NSUN7: variants seen among roughly 807,000 people sequenced by gnomAD.
NSUN7 encodes NOP2/Sun RNA methyltransferase family member 7, also known as protein NSUN7.
A neutral mutation model predicts 58.5 loss-of-function variants in NSUN7; 39 were observed. The ratio of observed to expected loss-of-function variants is 0.67; its 90% confidence interval spans 0.52 to 0.87. The LOEUF (loss-of-function observed/expected upper bound fraction) is 0.87. Ranked by LOEUF, NSUN7 falls within the 40% of genes least tolerant of loss-of-function variation. The pLI, the probability that NSUN7 is intolerant of heterozygous loss-of-function variation, is 0.00. For synonymous variants in NSUN7, 278 were observed against 303.7 expected (o/e 0.92, Z 0.88); for missense variants, 765 against 844.1 (o/e 0.91, Z 1.16).
chr4:40,801,727 A>T (rs1488464552), intron 10 of NSUN7, among the ~76,000 whole-genome samples: 4 of 151,982 alleles, frequency 2.6e-5, no homozygotes, highest in African/African-American at 9.7e-5. Flanking sequence ...GTGAAACCTC[A>T]TCTCTACAAA....
At chr4:40,773,422 C>T (rs1188802042) in intron 4 of NSUN7, among the ~76,000 whole-genome samples, 2 of 152,166 alleles carry the variant, frequency 1.3e-5, no homozygotes, top group African/African-American at 2.4e-5. Context: ...GTGGCTTACG[C>T]CTGTAATCCC....
In NSUN7 at chr4:40,786,156, G is replaced by A. The variant is rs886970291; in HGVS notation, c.1037-4446G>A. ...ACCAGACTTCTATCCTGTCCAACCT[G>A]CCTTCATTTCAGTCCTTCCACATTG... On this transcript the variant is annotated intron_variant, in intron 7 of 11. Coordinates refer to ENST00000381782, the MANE Select transcript of NSUN7 (RefSeq NM_024677.6). 12 of 1,612,404 alleles carry A rather than the reference G, an allele frequency of 7.4e-6. No individual in the cohort carries two copies. The African/African-American group carries it at 1.5e-4, about 20-fold the overall frequency.
chr4:40,750,555 G>A (rs1740763425), intron 1 of NSUN7, 48 bp from the exon 2 acceptor site: 5 of 990,480 alleles, frequency 5.0e-6, no homozygotes, highest in Non-Finnish European at 5.9e-6. Context: ...CACCCACAGG[G>A]GTGCTGCAGA....
At chr4:40,788,815 C>T (rs1742951494) in intron 7 of NSUN7, among the ~76,000 whole-genome samples, 1 of 152,080 alleles carries the variant, frequency 6.6e-6, no homozygotes, top group East Asian at 1.9e-4. Flanking sequence ...TGCTGAGTTT[C>T]CAAGTTCCTT....
chr4:40,750,937 G>A lies in NSUN7; in HGVS notation c.244G>A (p.Glu82Lys). The A allele has an allele frequency of 6.2e-7, 1 of 1,614,222 alleles. No individual in the cohort carries two copies. Among genetic ancestry groups the A allele is most frequent in the South Asian group, 1.1e-5 (1 of 91,082 alleles). ...NEPLRSLSES[E>K]DQSFQRLSYE... Reference sequence around the variant, plus strand: ...ACCCCTGCGGTCCTTGTCCGAGTCTGAGGATCAGTCCTTTCAGCGTTTGTC... The same window carrying A: ...ACCCCTGCGGTCCTTGTCCGAGTCTAAGGATCAGTCCTTTCAGCGTTTGTC... Residue 82 changes from glutamate (E) to lysine (K), a missense_variant, in exon 2 of 12, where the codon GAG becomes AAG. Physicochemically the swap from Glu to Lys is moderately conservative, Grantham distance 56 (BLOSUM62 1). Transcript: ENST00000381782.
chr4:40,754,471 A>G lies in NSUN7; in HGVS notation c.298+3480A>G, dbSNP rs115317257. Among the ~76,000 whole-genome samples, 173 of 152,306 alleles carry G rather than the reference A, an allele frequency of 1.1e-3. 1 individual carries two copies. Among genetic ancestry groups the G allele is most frequent in the African/African-American group, 4.0e-3 (168 of 41,570 alleles). ...CCATCTGCTATTTTACTTTTAAAAT[A>G]TTGGAGGCTCTTATGCATTTCACTT... On this transcript the variant is annotated intron_variant, in intron 2 of 11. Transcript: ENST00000381782.
chr4:40,760,365 T>TA (rs1413530173), intron 2 of NSUN7, 69 bp from the exon 3 acceptor site: 1 of 1,098,608 alleles, frequency 9.1e-7, no homozygotes, highest in Non-Finnish European at 1.4e-6. Context: ...TATTACAGTG[T>TA]ATTTTGATTC....
chr4:40,758,207 A>C (rs943729548), intron 2 of NSUN7, among the ~76,000 whole-genome samples: 3 of 152,160 alleles, frequency 2.0e-5, no homozygotes, highest in Non-Finnish European at 4.4e-5. Flanking sequence ...GGCATGAGTC[A>C]CCACACCCGG....
intron 8 of NSUN7, among the ~76,000 whole-genome samples, chr4:40,791,614 T>C (rs7681458): frequency 0.18 from 27,937 of 152,136 alleles, 3,090 homozygotes; most frequent in East Asian, 0.35. Context: ...ATGAAACTTA[T>C]GCTTATCCCT....
At chr4:40,805,544 C>A (rs1259077201) in intron 10 of NSUN7, among the ~76,000 whole-genome samples, 1 of 152,198 alleles carries the variant, frequency 6.6e-6, no homozygotes, top group Non-Finnish European at 1.5e-5. Context: ...TCCCTATCTT[C>A]GGGGTAACTA....
In NSUN7 at chr4:40,808,958, A is replaced by G; in HGVS notation, c.*19A>G. 1 of 1,495,630 alleles carries G rather than the reference A, an allele frequency of 6.7e-7. No homozygotes were observed. Among genetic ancestry groups the G allele is most frequent in the Non-Finnish European group, 8.9e-7 (1 of 1,125,260 alleles). The allele number at this position is 1,495,630 out of a possible 1,614,324, so 92.6% of individuals were successfully genotyped here. ...GCTTTGATTGTCTTGTGTTTTTTATAGGGGCCAAAGAGCAGTTGATTTTTT... is the reference window on the plus strand; with the variant it reads ...GCTTTGATTGTCTTGTGTTTTTTATGGGGGCCAAAGAGCAGTTGATTTTTT... On this transcript the variant is annotated 3_prime_UTR_variant, in exon 12 of 12. Transcript: ENST00000381782.
At chr4:40,751,077 C>G (rs980957952) in intron 2 of NSUN7, 86 bp downstream of exon 2, 3 of 1,456,658 alleles carry the variant, frequency 2.1e-6, no homozygotes, top group Non-Finnish European at 2.8e-6. Context: ...CCTCCCTTCC[C>G]CTCATTCACA....
At chr4:40,771,205 T>C (rs1741994262) in intron 4 of NSUN7, among the ~76,000 whole-genome samples, 1 of 152,204 alleles carries the variant, frequency 6.6e-6, no homozygotes, top group Non-Finnish European at 1.5e-5. Flanking sequence ...ATGCTTCTGC[T>C]AAATAGAGCC....
At chr4:40,805,892 A>G (rs540560883) in intron 10 of NSUN7, among the ~76,000 whole-genome samples, 33 of 152,124 alleles carry the variant, frequency 2.2e-4, no homozygotes, top group Non-Finnish European at 3.7e-4. Flanking sequence ...CCCAGGATGG[A>G]GTACAGTGGT....
Position 40,798,892 on chromosome 4 carries a change from G to A in NSUN7, c.1388G>A (p.Gly463Glu). The change falls in exon 10 of 12, where the codon GGA (glycine) becomes GAA (glutamate). Residue 463 changes from glycine (G) to glutamate (E), a missense_variant. Physicochemically the swap from Gly to Glu is moderately conservative, Grantham distance 98. Coordinates refer to ENST00000381782, the MANE Select transcript of NSUN7 (RefSeq NM_024677.6). The part of the protein sequence containing the change: ...ALEFQDLGNK[G>E]QPYRLSPPVL... ...GAATTTCAAGACCTTGGGAATAAAG[G>A]ACAACCTTACAGGTAAGAAAAGGAA... 6.3e-7 allele frequency: 1 copy of A among 1,580,936 alleles called. No individual in the cohort carries two copies. The highest frequency in any genetic ancestry group is 8.7e-7 in the Non-Finnish European group (1 of 1,151,284).
At chr4:40,798,574 A>G (rs781672502) in intron 9 of NSUN7, among the ~76,000 whole-genome samples, 2 of 152,230 alleles carry the variant, frequency 1.3e-5, no homozygotes, top group Non-Finnish European at 2.9e-5. Context: ...TTCAATTTCC[A>G]TACAATCCAG....
At position 40,776,040 on chromosome 4, in the gene NSUN7, A is replaced by ATCT; in HGVS notation, c.826-7_826-5dup. 6.4e-7 allele frequency: 1 copy of ATCT among 1,552,692 alleles called. No homozygotes were observed. Among genetic ancestry groups the ATCT allele is most frequent in the South Asian group, 1.2e-5 (1 of 86,468 alleles). ...CCTTTGAAATTCTAATCATACCATT[A>ATCT]TCTTACAGGACAAATCTCGAAGTCT... On this transcript the variant is annotated splice_polypyrimidine_tract_variant and intron_variant, in intron 6 of 11. Transcript: ENST00000381782.
At chr4:40,799,085 T>TTTTTTG (rs1560563893) in intron 10 of NSUN7, among the ~76,000 whole-genome samples, 181 bp downstream of exon 10, 1 of 139,646 alleles carries the variant, frequency 7.2e-6, no homozygotes, top group South Asian at 2.3e-4. Flanking sequence ...TTTTTTTTTT[T>TTTTTTG]TTTTTTTTTT....
chr4:40,805,294 G>C (rs1260026495), intron 10 of NSUN7, among the ~76,000 whole-genome samples: 2 of 152,166 alleles, frequency 1.3e-5, no homozygotes, highest in African/African-American at 4.8e-5. Context: ...TCTGGGAACA[G>C]TTTACTTCCA....
Sources: allele counts gnomAD v4.1 joint callset (sites outside exome capture counted in the v4.1 genomes callset), GRCh38; gene constraint gnomAD v4.1.1; transcripts MANE v1.5; gene names NCBI Gene and HGNC (gene_info 2026-07-23, HGNC 2026-07-21).